UNC5D: variants seen among roughly 807,000 people sequenced by gnomAD.
The protein encoded by UNC5D is unc-5 netrin receptor D, also known as netrin receptor UNC5D.
UNC5D carries 39 observed loss-of-function variants against 105.4 expected under a neutral mutation model. That is an observed-to-expected ratio of 0.37 (90% CI 0.29 to 0.48). UNC5D has a LOEUF of 0.48. UNC5D is among the 20% of genes least tolerant of loss of function. The pLI, the probability that UNC5D is intolerant of heterozygous loss-of-function variation, is 0.98. For synonymous variants in UNC5D, 452 were observed against 450.4 expected, an observed-to-expected ratio of 1.00 and a Z score of -0.04; for missense variants, 991 against 1,202.4, an observed-to-expected ratio of 0.82 and a Z score of 2.60.
chr8:35,310,474 G>A (rs1808789464), intron 1 of UNC5D, among the ~76,000 whole-genome samples: 1 of 151,998 alleles, frequency 6.6e-6, no homozygotes, highest in Admixed American at 6.6e-5. Context: ...TCAAAAATCT[G>A]CCGGGTGTGG....
rs541737018 is a variant in UNC5D, at chr8:35,442,547, AAAAC to A, written c.104-106741_104-106738del. The stretch of plus-strand genomic sequence containing the variant: ...AGTGGTTGGATTAGAGATTCTTTAA[AAAAC>A]AAAGCTCAAGTCCCACCTCAAATGT... On this transcript the variant is annotated intron_variant, in intron 1 of 16. Coordinates refer to ENST00000404895, the MANE Select transcript of UNC5D (RefSeq NM_080872.4). Among the ~76,000 whole-genome samples the A allele has an allele frequency of 6.1e-4, 93 of 152,036 alleles. 1 individual carries two copies. In the South Asian group the frequency reaches 0.019, roughly 31 times the overall value.
chr8:35,721,526 A>G, intron 8 of UNC5D: 1 of 702,908 alleles, frequency 1.4e-6, no homozygotes, highest in Non-Finnish European at 2.6e-6. Context: ...ACAATAAATT[A>G]TTAGAGTCTA....
intron 1 of UNC5D, among the ~76,000 whole-genome samples, chr8:35,503,751 G>A (rs1032797539): frequency 1.3e-5 from 2 of 152,144 alleles, no homozygotes; most frequent in African/African-American, 4.8e-5. Flanking sequence ...CCCACTCCTG[G>A]TGTTGCTCCC....
rs1382879677 is a variant in UNC5D, at chr8:35,235,825, C to T, written c.41C>T (p.Ala14Val). ...GCCACCGCAGGCGGCGGCGGAGGGGCGCGCCGCTGGCTCCCGTGGCTGGGG... is the reference window on the plus strand; with the variant it reads ...GCCACCGCAGGCGGCGGCGGAGGGGTGCGCCGCTGGCTCCCGTGGCTGGGG... The part of the protein sequence containing the change: ...AAATAGGGGG[A>V]RRWLPWLGLC... The change falls in exon 1 of 17, where the codon GCG becomes GTG. Residue 14 changes from alanine (A) to valine (V), a missense_variant. Ala to Val is a moderately conservative substitution (Grantham distance 64). This residue lies in a region of UNC5D where 944 missense variants were observed against 1,131.6 expected (regional missense o/e 0.83). Transcript: ENST00000404895. 2 of 1,230,174 alleles carry T rather than the reference C, an allele frequency of 1.6e-6. No homozygotes were observed. The highest frequency in any genetic ancestry group is 3.2e-5 in the East Asian group (1 of 31,520). The allele number at this position is 1,230,174 out of a possible 1,614,324, so 76.2% of individuals were successfully genotyped here.
chr8:35,540,681 G>T (rs1815214109), intron 1 of UNC5D, among the ~76,000 whole-genome samples: 3 of 152,146 alleles, frequency 2.0e-5, no homozygotes, highest in Admixed American at 1.3e-4. Flanking sequence ...TCCATTAGGG[G>T]ACAAAGCTGT....
chr8:35,426,405 T>C (rs1374381590), intron 1 of UNC5D, among the ~76,000 whole-genome samples: 8 of 152,130 alleles, frequency 5.3e-5, no homozygotes, highest in Admixed American at 5.2e-4. Context: ...TCTGTAAAAG[T>C]TTTCTCCTCT....
chr8:35,495,458 CA>C lies in UNC5D; in HGVS notation c.104-53811del, dbSNP rs71547636. The stretch of plus-strand genomic sequence containing the variant: ...GAAAGCTGATGAACAACAACAACAA[CA>C]AAAAAAAAAAAAAAAAAAAAAAGCA... On this transcript the variant is annotated intron_variant, in intron 1 of 16. Coordinates refer to ENST00000404895, the MANE Select transcript of UNC5D (RefSeq NM_080872.4). Among the ~76,000 whole-genome samples, 414 of 44,658 alleles carry C rather than the reference CA, an allele frequency of 9.3e-3. 1 individual carries two copies. Among genetic ancestry groups the C allele is most frequent in the African/African-American group, 0.013 (127 of 9,936 alleles). 29.3% of individuals were successfully genotyped at this position (44,658 alleles called of 152,430 possible). A position where few individuals can be genotyped will look rare whatever the true frequency, so the allele number is the denominator to read the frequency against.
intron 1 of UNC5D, among the ~76,000 whole-genome samples, chr8:35,332,374 C>T (rs1810691793): frequency 1.3e-5 from 2 of 152,190 alleles, no homozygotes; most frequent in African/African-American, 2.4e-5. Flanking sequence ...CCAGGCTCCA[C>T]TGAGGATAGT....
At chr8:35,743,468 G>A (rs953995218) in intron 11 of UNC5D, among the ~76,000 whole-genome samples, 3 of 151,322 alleles carry the variant, frequency 2.0e-5, no homozygotes, top group African/African-American at 7.3e-5. Flanking sequence ...AGTAGAGATG[G>A]GGTCTCACCA....
At chr8:35,653,676 T>C (rs1823561401) in intron 4 of UNC5D, among the ~76,000 whole-genome samples, 1 of 152,370 alleles carries the variant, frequency 6.6e-6, no homozygotes, top group East Asian at 1.9e-4. Flanking sequence ...AATATTGTAG[T>C]TCTAAAGTGG....
intron 1 of UNC5D, among the ~76,000 whole-genome samples, chr8:35,287,561 G>A (rs114165985): frequency 0.075 from 4,044 of 54,280 alleles, 63 homozygotes; most frequent in Admixed American, 0.13. Flanking sequence ...TTGGGGGGCT[G>A]AGGCGGCTAA....
chr8:35,766,960 C>T lies in UNC5D; in HGVS notation c.2372C>T (p.Ser791Phe), dbSNP rs1247811818. 1 of 1,613,926 alleles carries T rather than the reference C, an allele frequency of 6.2e-7. No individual in the cohort carries two copies. The highest frequency in any genetic ancestry group is 8.5e-7 in the Non-Finnish European group (1 of 1,179,970). ...CGGCAGCCCCTGCACTGTGCCTTCT[C>T]CCTGGAGCGTTATACGCCCACTACC... The part of the protein sequence containing the change: ...SNRQPLHCAF[S>F]LERYTPTTTQ... The change falls in exon 15 of 17, where the codon TCC becomes TTC. Residue 791 changes from serine (S) to phenylalanine (F), a missense_variant. By Grantham distance (155) the Ser-to-Phe change is radical. Transcript: ENST00000404895.
At chr8:35,788,082 C>T (rs1216971721) in intron 16 of UNC5D, among the ~76,000 whole-genome samples, 1 of 152,086 alleles carries the variant, frequency 6.6e-6, no homozygotes, top group Admixed American at 6.6e-5. Flanking sequence ...TTAAAGATGT[C>T]TATTAGTGGA....
chr8:35,778,985 A>G (rs1018468935), intron 16 of UNC5D, among the ~76,000 whole-genome samples: 2 of 152,244 alleles, frequency 1.3e-5, no homozygotes, highest in African/African-American at 4.8e-5. Context: ...TGCCTGGCAT[A>G]TGGATCACGC....
chr8:35,248,886 T>TTA (rs1480784272), intron 1 of UNC5D, among the ~76,000 whole-genome samples: 3 of 93,658 alleles, frequency 3.2e-5, no homozygotes, highest in Non-Finnish European at 5.5e-5. Context: ...ATATAATATA[T>TTA]TATATAAATA....
At chr8:35,666,190 A>G (rs1157485924) in intron 4 of UNC5D, among the ~76,000 whole-genome samples, 1 of 151,966 alleles carries the variant, frequency 6.6e-6, no homozygotes, top group East Asian at 1.9e-4. Flanking sequence ...ATGTATGCCT[A>G]TGAAGAAATA....
intron 4 of UNC5D, among the ~76,000 whole-genome samples, chr8:35,677,567 C>T (rs541440115): frequency 6.6e-6 from 1 of 152,168 alleles, no homozygotes; most frequent in East Asian, 1.9e-4. Flanking sequence ...AAGCATAAAT[C>T]CAAGCACAAT....
chr8:35,285,243 T>C (rs1405215381), intron 1 of UNC5D, among the ~76,000 whole-genome samples: 1 of 152,190 alleles, frequency 6.6e-6, no homozygotes, highest in Non-Finnish European at 1.5e-5. Context: ...GGAAAAGGCC[T>C]GCGTATTTTT....
chr8:35,338,931 T>C (rs1430601016), intron 1 of UNC5D, among the ~76,000 whole-genome samples: 2 of 151,662 alleles, frequency 1.3e-5, no homozygotes, highest in Admixed American at 1.3e-4. Flanking sequence ...TGTATGTACC[T>C]TGGGGCTGCT....
Sources: gnomAD v4.1 joint callset for allele counts (sites outside exome capture counted in the v4.1 genomes callset) on GRCh38, gnomAD v4.1.1 for gene constraint, gnomAD v4.1.1 regional missense constraint, MANE v1.5 for transcripts, NCBI Gene and HGNC (gene_info 2026-07-23, HGNC 2026-07-21) for gene names.